The following CAGE1 variants were observed in gnomAD, a reference collection of about 807,000 sequenced individuals.
CAGE1 encodes cancer-associated gene 1 protein.
Under a neutral mutation model 94.9 loss-of-function variants are expected in CAGE1, and 66 were observed. The observed-to-expected ratio is 0.70, with a 90% CI of 0.57 to 0.85. The LOEUF (loss-of-function observed/expected upper bound fraction) is 0.85. CAGE1 is among the 40% of genes least tolerant of loss of function. The pLI is 0.00. For synonymous variants in CAGE1, 319 were observed against 321.0 expected (o/e 0.99, Z 0.07); for missense variants, 865 against 950.4 (o/e 0.91, Z 1.18).
intron 13 of CAGE1, among the ~76,000 whole-genome samples, chr6:7,328,658 A>G (rs895132672): frequency 6.6e-6 from 1 of 152,264 alleles, no homozygotes; most frequent in Admixed American, 6.5e-5. Flanking sequence ...AATGACAGCT[A>G]GATAGAAGGA....
chr6:7,363,964 T>C (rs541205950), intron 9 of CAGE1, among the ~76,000 whole-genome samples: 4 of 152,228 alleles, frequency 2.6e-5, no homozygotes, highest in Non-Finnish European at 5.9e-5. Flanking sequence ...TCATCAATTA[T>C]TTGGATACTC....
At chr6:7,369,653 G>A (rs183089631) in intron 6 of CAGE1, among the ~76,000 whole-genome samples, 131 of 152,310 alleles carry the variant, frequency 8.6e-4, no homozygotes, top group Non-Finnish European at 1.4e-3. Flanking sequence ...TCGCTGAAAC[G>A]TGGGAAGTAC....
intron 11 of CAGE1, among the ~76,000 whole-genome samples, chr6:7,337,123 C>A (rs902408652): frequency 6.6e-6 from 1 of 151,946 alleles, no homozygotes; most frequent in Non-Finnish European, 1.5e-5. Flanking sequence ...GAGTTCAAGA[C>A]CAGCCTGGCC....
At chr6:7,344,242 G>T (rs756550938) in intron 11 of CAGE1, among the ~76,000 whole-genome samples, 5 of 152,016 alleles carry the variant, frequency 3.3e-5, no homozygotes, top group Admixed American at 1.3e-4. Flanking sequence ...GGGAACCGGG[G>T]CTGGGCGTGG....
At position 7,389,556 on chromosome 6, in the gene CAGE1, C is replaced by T. The variant is rs1761263718; in HGVS notation, c.-378G>A. On this transcript the variant is annotated 5_prime_UTR_variant, in exon 1 of 14. Transcript: ENST00000502583. ...AGTGGTGAAGTTAGGAAGGTACGAC[C>T]CCCTAGGCCGAACAGCCTGTGGGCT... The T allele has an allele frequency of 3.0e-6, 1 of 336,142 alleles. No homozygotes were observed. Among genetic ancestry groups the T allele is most frequent in the Admixed American group, 3.9e-5 (1 of 25,804 alleles). 20.8% of individuals were successfully genotyped at this position (336,142 alleles called of 1,614,324 possible).
rs879031320 is a variant in CAGE1 at position 7,339,563 on chromosome 6, G to A, written c.2370-5473C>T. ...ACTTCCTCTTCTTGGAAATTTGTAA[G>A]GCGATCTTGCCGCCATGCTCCGCTG... On this transcript the variant is annotated intron_variant, in intron 11 of 13. Coordinates refer to ENST00000502583, the MANE Select transcript of CAGE1 (RefSeq NM_001170692.2). The surrounding 1 kb of genome is among the most constrained non-coding windows in gnomAD (Gnocchi z 4.7). 5.2e-6 allele frequency: 4 copies of A among 769,908 alleles called. No homozygotes were observed. In the African/African-American group the frequency reaches 6.8e-5, roughly 13 times the overall value. 47.7% of individuals were successfully genotyped at this position (769,908 alleles called of 1,614,324 possible). A position where few individuals can be genotyped will look rare whatever the true frequency, so the allele number is the denominator to read the frequency against.
intron 8 of CAGE1, 70 bp from the exon 9 acceptor site, chr6:7,365,645 T>C: frequency 5.3e-6 from 8 of 1,501,558 alleles, no homozygotes; most frequent in Non-Finnish European, 7.3e-6. Context: ...CAATAAATAC[T>C]TTATTAGTTT....
chr6:7,373,252 A>T lies in CAGE1; in HGVS notation c.1567T>A (p.Ser523Thr), dbSNP rs1760612589. 1 of 1,604,168 alleles carries T rather than the reference A, an allele frequency of 6.2e-7. No homozygotes were observed. Among genetic ancestry groups the T allele is most frequent in the Non-Finnish European group, 8.5e-7 (1 of 1,174,434 alleles). ...ATATTCTTCGTTCTTTCATTTTCAG[A>T]CATAAATTGCAAATTTCTAACTTGA... ...LTQVRNLQFM[S>T]ENERTKNIKL... Residue 523 changes from serine to threonine, a missense_variant, in exon 5 of 14, where the codon TCT becomes ACT. Coordinates refer to ENST00000502583, the MANE Select transcript of CAGE1 (RefSeq NM_001170692.2).
At chr6:7,382,963 G>C (rs1760991413) in intron 3 of CAGE1, among the ~76,000 whole-genome samples, 1 of 152,130 alleles carries the variant, frequency 6.6e-6, no homozygotes. Flanking sequence ...ATTTGATATG[G>C]TTTGGCTCTG....
intron 11 of CAGE1, 91 bp downstream of exon 11, chr6:7,354,950 T>C (rs769646032): frequency 1.1e-6 from 1 of 915,110 alleles, no homozygotes. Context: ...ATTTTTCTTC[T>C]TTCTAGGAGT....
chr6:7,331,525 C>G (rs1561845208), intron 12 of CAGE1: 2 of 397,658 alleles, frequency 5.0e-6, no homozygotes, highest in Non-Finnish European at 9.5e-6. Context: ...CTGCTGATTG[C>G]CCTGGTTTGA....
chr6:7,377,562 G>C (rs903199295), intron 4 of CAGE1, among the ~76,000 whole-genome samples: 1 of 151,884 alleles, frequency 6.6e-6, no homozygotes, highest in Non-Finnish European at 1.5e-5. Flanking sequence ...GTGAAAACCC[G>C]TCTCTACTAA....
Position 7,387,199 on chromosome 6 carries a change from T to TC in CAGE1, c.-23-4_-23-3insG. On this transcript the variant is annotated splice_polypyrimidine_tract_variant and splice_region_variant and intron_variant, in intron 1 of 13. Transcript: ENST00000502583. ...AACTGTTGAACAATAGAAGACTTCTTTAAAAAAAAAATGTGTCTATTAGTA... is the reference window on the plus strand; with the variant it reads ...AACTGTTGAACAATAGAAGACTTCTTCTAAAAAAAAAATGTGTCTATTAGTA... The TC allele has an allele frequency of 2.7e-6, 4 of 1,497,300 alleles. No individual in the cohort carries two copies. The highest frequency in any genetic ancestry group is 3.6e-6 in the Non-Finnish European group (4 of 1,117,160). The allele number at this position is 1,497,300 out of a possible 1,614,324, so 92.8% of individuals were successfully genotyped here.
At chr6:7,343,849 C>A (rs1205461601) in intron 11 of CAGE1, among the ~76,000 whole-genome samples, 1 of 152,096 alleles carries the variant, frequency 6.6e-6, no homozygotes, top group Non-Finnish European at 1.5e-5. Flanking sequence ...GACCTCTCAC[C>A]AGGATGATGT....
At chr6:7,385,158 A>G (rs1325761941) in intron 3 of CAGE1, among the ~76,000 whole-genome samples, 1 of 151,780 alleles carries the variant, frequency 6.6e-6, no homozygotes, top group East Asian at 1.9e-4. Flanking sequence ...GGCATGCACC[A>G]CCACACTCAG....
chr6:7,345,772 A>G (rs141929925), intron 11 of CAGE1, among the ~76,000 whole-genome samples: 179 of 144,690 alleles, frequency 1.2e-3, no homozygotes, highest in African/African-American at 4.1e-3. Flanking sequence ...AAATACAAAA[A>G]AAATTAGCTG....
intron 9 of CAGE1, among the ~76,000 whole-genome samples, chr6:7,363,976 G>GA (rs1168282482): frequency 6.6e-6 from 1 of 152,174 alleles, no homozygotes; most frequent in Non-Finnish European, 1.5e-5. Context: ...TGGATACTCT[G>GA]AGATAGGGTT....
chr6:7,352,306 C>CAAAAAAAAAAAAAAAAAAAA (rs796943772), intron 11 of CAGE1, among the ~76,000 whole-genome samples: 2 of 103,974 alleles, frequency 1.9e-5, no homozygotes, highest in African/African-American at 4.3e-5. Flanking sequence ...AAAAAAAAAA[C>CAAAAAAAAAAAAAAAAAAAA]AAAAAAAAAC....
At chr6:7,328,914 GTGTGTATA>G (rs1365152300) in intron 13 of CAGE1, among the ~76,000 whole-genome samples, 77 of 49,518 alleles carry the variant, frequency 1.6e-3, no homozygotes, top group East Asian at 5.8e-3. Context: ...GTGTGTGTGT[GTGTGTATA>G]TATATATATA....
Sources: gnomAD v4.1 joint callset for allele counts (sites outside exome capture counted in the v4.1 genomes callset) on GRCh38, gnomAD v4.1.1 for gene constraint, Gnocchi (gnomAD v3.1) non-coding constraint, MANE v1.5 for transcripts, NCBI Gene and HGNC (gene_info 2026-07-23, HGNC 2026-07-21) for gene names.